The following NALF2 variants were observed in gnomAD, a reference collection of about 807,000 sequenced individuals.
NALF2 encodes NALCN channel auxiliary factor 2.
NALF2 carries 1 observed loss-of-function variant against 24.8 expected under a neutral mutation model. The ratio of observed to expected loss-of-function variants is 0.04; its 90% confidence interval spans 0.01 to 0.19. The LOEUF (loss-of-function observed/expected upper bound fraction) is 0.19. Among genes scored for constraint, NALF2 ranks in the 10% least tolerant of loss-of-function variants. The pLI is 1.00. For synonymous variants in NALF2, 254 were observed against 189.8 expected, an observed-to-expected ratio of 1.34 and a Z score of -2.78; for missense variants, 458 against 409.6, an observed-to-expected ratio of 1.12 and a Z score of -1.02.
chrX:69,529,194 G>T (rs1255903860), intron 2 of NALF2, 30 bp downstream of exon 2: 1 of 1,183,572 alleles, frequency 8.4e-7, no homozygotes, highest in Non-Finnish European at 1.1e-6. Context: ...GAAGAGGGAG[G>T]AGGCCGGGGG....
intron 1 of NALF2, among the ~76,000 whole-genome samples, chrX:69,522,830 TGGA>T (rs1930751865): frequency 8.9e-6 from 1 of 112,434 alleles, no homozygotes; most frequent in South Asian, 3.7e-4. Context: ...TGTGTGCTGA[TGGA>T]TGCAGTACAA....
In NALF2 at chrX:69,505,961, G is replaced by T; in HGVS notation, c.679G>T (p.Asp227Tyr). ...LDCSLDTLMG[D>Y]LLAVVASPGS... Reference sequence around the variant, plus strand: ...CTGTAGCCTGGACACCCTGATGGGGGACCTGCTGGCCGTGGTGGCCAGCCC... The same window carrying T: ...CTGTAGCCTGGACACCCTGATGGGGTACCTGCTGGCCGTGGTGGCCAGCCC... The change falls in exon 1 of 3, where the codon GAC (aspartate) becomes TAC (tyrosine). Residue 227 changes from aspartate (D) to tyrosine (Y), a missense_variant. Asp to Tyr is a radical substitution (Grantham distance 160). Coordinates refer to ENST00000252338, the MANE Select transcript of NALF2 (RefSeq NM_015686.3). 1 of 1,211,923 alleles carries T rather than the reference G, an allele frequency of 8.3e-7. No individual in the cohort carries two copies. Among genetic ancestry groups the T allele is most frequent in the Non-Finnish European group, 1.1e-6 (1 of 895,471 alleles).
Position 69,505,172 on chromosome X carries a change from G to A in NALF2, c.-111G>A, listed in dbSNP as rs1300066606. The A allele has an allele frequency of 8.9e-6, 7 of 788,285 alleles. No homozygotes were observed. In the Admixed American group the frequency reaches 3.8e-4, roughly 43 times the overall value. The allele number at this position is 788,285 out of a possible 1,213,427, so 65.0% of individuals were successfully genotyped here. A position where few individuals can be genotyped will look rare whatever the true frequency, so the allele number is the denominator to read the frequency against. ...CCTGCCTCACCATGCAGCCCCCGAG[G>A]TAGAGCCTGGACGGCGCCGAGGAGC... is the stretch of plus-strand genomic sequence containing the variant. On this transcript the variant is annotated 5_prime_UTR_variant, in exon 1 of 3. Transcript: ENST00000252338.
Position 69,505,836 on chromosome X carries a change from A to C in NALF2, c.554A>C (p.Asn185Thr). The C allele has an allele frequency of 8.3e-7, 1 of 1,210,916 alleles. No homozygotes were observed. The highest frequency in any genetic ancestry group is 1.7e-5 in the African/African-American group (1 of 57,604). The change falls in exon 1 of 3, where the codon AAC becomes ACC. Residue 185 changes from asparagine to threonine, a missense_variant. Transcript: ENST00000252338. ...GCCGAGTTCCCCTCCGCCAAAAAAA[A>C]CTTGCTCAAAGGCCACTTTCGGAAC... is the stretch of plus-strand genomic sequence containing the variant. Reference protein sequence around the residue: ...APAEFPSAKKNLLKGHFRNFT... With the variant: ...APAEFPSAKKTLLKGHFRNFT...
chrX:69,530,247 G>T lies in NALF2; in HGVS notation c.*291G>T. On this transcript the variant is annotated 3_prime_UTR_variant, in exon 3 of 3. Transcript: ENST00000252338. ...TAGCAAAAAAAGGGAGGAAGTGGGG[G>T]CTGGATATGCCCACCCCTGCCAAAA... 3.5e-6 allele frequency: 1 copy of T among 283,915 alleles called. No homozygotes were observed. The highest frequency in any genetic ancestry group is 6.2e-6 in the Non-Finnish European group (1 of 161,265). 23.4% of individuals were successfully genotyped at this position (283,915 alleles called of 1,213,427 possible).
intron 1 of NALF2, among the ~76,000 whole-genome samples, chrX:69,527,578 T>C (rs1038853191): frequency 1.0e-3 from 117 of 112,240 alleles, no homozygotes; most frequent in Non-Finnish European, 3.6e-4. Flanking sequence ...CCCACCTCCG[T>C]CCTCTTGAAG....
At position 69,529,670 on chromosome X, in the gene NALF2, C is replaced by T; in HGVS notation, c.1133C>T (p.Ala378Val). 2 of 1,209,331 alleles carry T rather than the reference C, an allele frequency of 1.7e-6. No homozygotes were observed. Among genetic ancestry groups the T allele is most frequent in the Non-Finnish European group, 2.2e-6 (2 of 894,133 alleles). Residue 378 changes from alanine to valine, a missense_variant, in exon 3 of 3, where the codon GCC becomes GTC. Coordinates refer to ENST00000252338, the MANE Select transcript of NALF2 (RefSeq NM_015686.3). ...AAGAAGAAGTTCAAGGAGTCTGAGG[C>T]CCCCAAAACCCACCAGCAGCAATTC... ...AKKKKFKESE[A>V]PKTHQQQFHH...
intron 1 of NALF2, among the ~76,000 whole-genome samples, chrX:69,526,321 A>C (rs1448102490): frequency 4.5e-5 from 5 of 111,334 alleles, no homozygotes; most frequent in Admixed American, 1.9e-4. Context: ...CTGTTCTCCC[A>C]CCACTGAAAT....
rs1214577793 is a variant in NALF2, at chrX:69,505,615, A to G, written c.333A>G (p.Pro111=). 15 of 1,129,050 alleles carry G rather than the reference A, an allele frequency of 1.3e-5. No homozygotes were observed. The highest frequency in any genetic ancestry group is 4.3e-5 in the South Asian group (2 of 47,015). The allele number at this position is 1,129,050 out of a possible 1,213,427, so 93.0% of individuals were successfully genotyped here. A position where few individuals can be genotyped will look rare whatever the true frequency, so the allele number is the denominator to read the frequency against. Residue 111 remains proline, a synonymous_variant, in exon 1 of 3, where the codon CCA becomes CCG. Transcript: ENST00000252338. ...PPPPGEPSAP[P]GTCGPRYSNL... Reference sequence around the variant, plus strand: ...CGCCCGGCGAGCCCAGCGCGCCCCCAGGCACCTGCGGCCCCAGATACAGCA... The same window carrying G: ...CGCCCGGCGAGCCCAGCGCGCCCCCGGGCACCTGCGGCCCCAGATACAGCA...
chrX:69,525,138 C>T (rs1321505595), intron 1 of NALF2, among the ~76,000 whole-genome samples: 2 of 112,043 alleles, frequency 1.8e-5, no homozygotes, highest in African/African-American at 6.5e-5. Flanking sequence ...ATGACGGGAG[C>T]GCCCAGCCAC....
At chrX:69,512,647 G>C (rs1300030044) in intron 1 of NALF2, among the ~76,000 whole-genome samples, 1 of 111,863 alleles carries the variant, frequency 8.9e-6, no homozygotes, top group East Asian at 2.8e-4. Flanking sequence ...AGTCATCCTA[G>C]CAGGCAGGCA....
intron 1 of NALF2, among the ~76,000 whole-genome samples, chrX:69,511,324 C>G (rs1482738641): frequency 1.8e-5 from 2 of 111,157 alleles, no homozygotes; most frequent in Admixed American, 1.9e-4. Flanking sequence ...CCTTGCATCA[C>G]TCACACCCCA....
In NALF2 at chrX:69,505,164, C is replaced by T. The variant is rs1425846673; in HGVS notation, c.-119C>T. 3 of 693,906 alleles carry T rather than the reference C, an allele frequency of 4.3e-6. No individual in the cohort carries two copies. The highest frequency in any genetic ancestry group is 4.7e-5 in the African/African-American group (2 of 42,129). 57.2% of individuals were successfully genotyped at this position (693,906 alleles called of 1,213,427 possible). A position where few individuals can be genotyped will look rare whatever the true frequency, so the allele number is the denominator to read the frequency against. ...CCGGCCGGCCTGCCTCACCATGCAG[C>T]CCCCGAGGTAGAGCCTGGACGGCGC... On this transcript the variant is annotated 5_prime_UTR_variant, in exon 1 of 3. Transcript: ENST00000252338.
chrX:69,528,473 C>T (rs1930840882), intron 1 of NALF2, among the ~76,000 whole-genome samples: 1 of 111,717 alleles, frequency 9.0e-6, no homozygotes, highest in South Asian at 3.7e-4. Context: ...GTTTACAAAA[C>T]ATTTTCATAT....
At chrX:69,519,449 C>A (rs990771024) in intron 1 of NALF2, among the ~76,000 whole-genome samples, 1 of 111,828 alleles carries the variant, frequency 8.9e-6, no homozygotes, top group Non-Finnish European at 1.9e-5. Flanking sequence ...AAATGTCTTA[C>A]CAGAAGGCTG....
At chrX:69,514,770 C>A (rs768914458) in intron 1 of NALF2, among the ~76,000 whole-genome samples, 1 of 112,290 alleles carries the variant, frequency 8.9e-6, no homozygotes, top group South Asian at 3.7e-4. Context: ...TCCTTGTCAA[C>A]ACTTGTTATT....
rs1372068591 is a variant in NALF2 at position 69,504,716 on chromosome X, T to G, written c.-567T>G. Among the ~76,000 whole-genome samples the G allele has an allele frequency of 2.7e-5, 3 of 109,855 alleles. No homozygotes were observed. The highest frequency in any genetic ancestry group is 9.4e-5 in the Admixed American group (1 of 10,694). ...CCGGCAACGGACCGGCCGGCCGGCCTAGGAGGGCGCGAGCGAGGCAGGGAG... is the reference window on the plus strand; with the variant it reads ...CCGGCAACGGACCGGCCGGCCGGCCGAGGAGGGCGCGAGCGAGGCAGGGAG... On this transcript the variant is annotated 5_prime_UTR_variant, in exon 1 of 3. Coordinates refer to ENST00000252338, the MANE Select transcript of NALF2 (RefSeq NM_015686.3).
chrX:69,518,822 A>G (rs959207477), intron 1 of NALF2, among the ~76,000 whole-genome samples: 17 of 112,318 alleles, frequency 1.5e-4, no homozygotes, highest in Non-Finnish European at 3.0e-4. Context: ...TTTTCTTCTG[A>G]TATTTACCTC....
Position 69,531,459 on chromosome X carries a change from A to G in NALF2, c.*1503A>G, listed in dbSNP as rs1045482641. 7 of 112,008 alleles carry G rather than the reference A, an allele frequency of 6.2e-5. No homozygotes were observed. Among genetic ancestry groups the G allele is most frequent in the African/African-American group, 2.0e-4 (6 of 30,726 alleles). The allele number at this position is 112,008 out of a possible 1,213,427, so 9.2% of individuals were successfully genotyped here. A position where few individuals can be genotyped will look rare whatever the true frequency, so the allele number is the denominator to read the frequency against. The stretch of plus-strand genomic sequence containing the variant: ...TTGCCTGGGACATCTGAATGCTGAT[A>G]CGAATGGACAGGAAAGGGAGCCAGA... On this transcript the variant is annotated 3_prime_UTR_variant, in exon 3 of 3. Transcript: ENST00000252338.
Sources: allele counts gnomAD v4.1 joint callset (sites outside exome capture counted in the v4.1 genomes callset), GRCh38; gene constraint gnomAD v4.1.1; transcripts MANE v1.5; gene names NCBI Gene and HGNC (gene_info 2026-07-23, HGNC 2026-07-21).